MID1: variants seen among roughly 807,000 people sequenced by gnomAD.
The protein encoded by MID1 is E3 ubiquitin-protein ligase Midline-1.
A neutral mutation model predicts 40.4 loss-of-function variants in MID1; 7 were observed. That is an observed-to-expected ratio of 0.17 (90% CI 0.10 to 0.33). The LOEUF is 0.33. Among genes scored for constraint, MID1 ranks in the 10% least tolerant of loss-of-function variants. The probability of loss-of-function intolerance (pLI) is 1.00; values close to 1 mark genes in which losing one functional copy is unlikely to be tolerated. For synonymous variants in MID1, 229 were observed against 221.2 expected, an observed-to-expected ratio of 1.04 and a Z score of -0.31; for missense variants, 367 against 558.5, an observed-to-expected ratio of 0.66 and a Z score of 3.46.
At chrX:10,574,798 T>C (rs914647591) in intron 1 of MID1, among the ~76,000 whole-genome samples, 3 of 112,691 alleles carry the variant, frequency 2.7e-5, no homozygotes, top group Non-Finnish European at 5.6e-5. Flanking sequence ...AGTGAGTCAT[T>C]AGACCAAGGA....
At chrX:10,486,233 G>A in intron 4 of MID1, among the ~76,000 whole-genome samples, 1 of 112,283 alleles carries the variant, frequency 8.9e-6, no homozygotes, top group South Asian at 3.7e-4. Flanking sequence ...AATTTGAGGT[G>A]AGTTTGACAG....
intron 1 of MID1, among the ~76,000 whole-genome samples, chrX:10,828,176 C>T (rs1259220694): frequency 3.6e-5 from 4 of 112,195 alleles, no homozygotes; most frequent in African/African-American, 1.3e-4. Flanking sequence ...ATTTGATCTA[C>T]GCTTTGATAA....
At chrX:10,811,392 A>G (rs190772386) in intron 1 of MID1, among the ~76,000 whole-genome samples, 36 of 112,448 alleles carry the variant, frequency 3.2e-4, no homozygotes, top group African/African-American at 1.1e-3. Context: ...ATACTAACAC[A>G]TTGACTCCAT....
At chrX:10,740,591 C>A (rs990519445) in intron 1 of MID1, among the ~76,000 whole-genome samples, 3 of 112,215 alleles carry the variant, frequency 2.7e-5, no homozygotes, top group African/African-American at 9.7e-5. Context: ...CATTTACTTG[C>A]AGTATGACTT....
intron 1 of MID1, among the ~76,000 whole-genome samples, chrX:10,676,595 C>G (rs1481552667): frequency 9.0e-6 from 1 of 111,708 alleles, no homozygotes; most frequent in Non-Finnish European, 1.9e-5. Context: ...AGTCTTCCTT[C>G]CCTCTGTTTG....
intron 1 of MID1, among the ~76,000 whole-genome samples, chrX:10,752,610 C>G (rs1229734270): frequency 9.0e-6 from 1 of 111,579 alleles, no homozygotes; most frequent in Non-Finnish European, 1.9e-5. Flanking sequence ...TGGAAGCCAA[C>G]TGCCTAGATA....
intron 1 of MID1, among the ~76,000 whole-genome samples, chrX:10,819,308 A>G (rs2044159448): frequency 8.9e-6 from 1 of 112,213 alleles, no homozygotes; most frequent in Admixed American, 9.4e-5. Context: ...TCAACTAATT[A>G]AATGAAATTA....
At position 10,765,432 on chromosome X, in the gene MID1, T is replaced by C. The variant is rs143781342; in HGVS notation, c.-187+68122A>G. Among the ~76,000 whole-genome samples, 17 of 112,620 alleles carry C rather than the reference T, an allele frequency of 1.5e-4. No individual in the cohort carries two copies. In the East Asian group the frequency reaches 3.9e-3, roughly 26 times the overall value. ...TTCCTCTTGTGAGGCACAATGCAGG[T>C]TCCTTCTGTCTTCCAGAAGAAATGA... On this transcript the variant is annotated intron_variant, in intron 1 of 10. Coordinates refer to the MID1 transcript ENST00000380785.
At chrX:10,826,313 C>T (rs1042793141) in intron 1 of MID1, among the ~76,000 whole-genome samples, 2 of 111,596 alleles carry the variant, frequency 1.8e-5, no homozygotes, top group Middle Eastern at 4.6e-3. Context: ...TCTACCACCA[C>T]GATATTAGTA....
chrX:10,681,025 C>CAATAAT (rs56941761), intron 1 of MID1, among the ~76,000 whole-genome samples: 1,554 of 82,555 alleles, frequency 0.019, 22 homozygotes, highest in Middle Eastern at 0.035. Flanking sequence ...GACCCTGTCT[C>CAATAAT]AATAATAATA....
chrX:10,650,442 G>A (rs1385485938), intron 1 of MID1, among the ~76,000 whole-genome samples: 2 of 110,422 alleles, frequency 1.8e-5, no homozygotes, highest in African/African-American at 3.3e-5. Flanking sequence ...CCTAAAGTCC[G>A]GACCTAACAA....
chrX:10,478,046 T>C (rs1423148482), intron 5 of MID1, among the ~76,000 whole-genome samples: 1 of 112,346 alleles, frequency 8.9e-6, no homozygotes, highest in Non-Finnish European at 1.9e-5. Context: ...AAGGATCACC[T>C]TGAGGAGTCT....
intron 1 of MID1, among the ~76,000 whole-genome samples, chrX:10,591,858 C>CG (rs1287809286): frequency 9.0e-6 from 1 of 110,962 alleles, no homozygotes; most frequent in Non-Finnish European, 1.9e-5. Context: ...TTTTTTCCCC[C>CG]GGGTCTACCC....
intron 1 of MID1, among the ~76,000 whole-genome samples, chrX:10,737,758 G>C (rs1050193672): frequency 9.1e-6 from 1 of 109,774 alleles, no homozygotes; most frequent in South Asian, 4.0e-4. Context: ...GGAGGGAAAG[G>C]GTTGGCAAAA....
chrX:10,694,965 A>G (rs1326495810), intron 1 of MID1, among the ~76,000 whole-genome samples: 1 of 111,506 alleles, frequency 9.0e-6, no homozygotes, highest in Non-Finnish European at 1.9e-5. Flanking sequence ...GCCCTTGTAA[A>G]ACTAATGAAA....
chrX:10,539,827 C>T (rs1474512145), intron 2 of MID1, among the ~76,000 whole-genome samples: 2 of 112,552 alleles, frequency 1.8e-5, no homozygotes, highest in African/African-American at 6.4e-5. Flanking sequence ...TCACTGCAGC[C>T]TCCACCTCCC....
chrX:10,737,095 T>G (rs2043492975), intron 1 of MID1, among the ~76,000 whole-genome samples: 1 of 112,401 alleles, frequency 8.9e-6, no homozygotes, highest in African/African-American at 3.2e-5. Flanking sequence ...CTCTCTGTAT[T>G]TTCTCTCAAG....
At chrX:10,679,530 C>G (rs1171005411) in intron 1 of MID1, among the ~76,000 whole-genome samples, 2 of 111,719 alleles carry the variant, frequency 1.8e-5, no homozygotes, top group Non-Finnish European at 3.8e-5. Flanking sequence ...CAGCCATGTC[C>G]GTTCATTTGA....
At chrX:10,456,352 C>T (rs751148456) in intron 8 of MID1, among the ~76,000 whole-genome samples, 126 of 112,240 alleles carry the variant, frequency 1.1e-3, no homozygotes, top group African/African-American at 3.9e-3. Context: ...CAGGCCAGGC[C>T]ATGTGGTCTC....
Sources: gnomAD v4.1 joint callset for allele counts (sites outside exome capture counted in the v4.1 genomes callset) on GRCh38, gnomAD v4.1.1 for gene constraint, MANE v1.5 for transcripts, NCBI Gene and HGNC (gene_info 2026-07-23, HGNC 2026-07-21) for gene names.